Variants in MTHFD1L observed in about 807,000 individuals in gnomAD.
MTHFD1L encodes the protein methylenetetrahydrofolate dehydrogenase (NADP+ dependent) 1 like.
Under a neutral mutation model 119.5 loss-of-function variants are expected in MTHFD1L, and 81 were observed. The observed-to-expected ratio is 0.68, with a 90% CI of 0.57 to 0.82. The LOEUF (loss-of-function observed/expected upper bound fraction) is 0.82. MTHFD1L is among the 40% of genes least tolerant of loss of function. The pLI, the probability that MTHFD1L is intolerant of heterozygous loss-of-function variation, is 0.00. For missense variants in MTHFD1L, 1,125 were observed against 1,253.4 expected (o/e 0.90, Z 1.55); for synonymous variants, 430 against 475.2 (o/e 0.90, Z 1.24).
chr6:150,922,088 T>C, intron 9 of MTHFD1L, 117 bp from the exon 10 acceptor site: 1 of 736,082 alleles, frequency 1.4e-6, no homozygotes, highest in Non-Finnish European at 2.4e-6. Flanking sequence ...TCCTGGCTTA[T>C]TGTGCGACTC....
At chr6:150,889,210 T>C (rs1048512601) in intron 7 of MTHFD1L, among the ~76,000 whole-genome samples, 10 of 150,816 alleles carry the variant, frequency 6.6e-5, no homozygotes, top group Non-Finnish European at 1.5e-4. Flanking sequence ...CTATTAAAAA[T>C]GGTGCTGACT....
At chr6:151,021,142 C>T (rs541469464) in intron 24 of MTHFD1L, among the ~76,000 whole-genome samples, 2 of 152,312 alleles carry the variant, frequency 1.3e-5, no homozygotes, top group South Asian at 2.1e-4. Flanking sequence ...ACTAATCTCT[C>T]GAGCCTCAGC....
chr6:151,022,068 G>A (rs1245411555), intron 24 of MTHFD1L: 1 of 471,162 alleles, frequency 2.1e-6, no homozygotes, highest in Admixed American at 2.3e-5. Flanking sequence ...TGAAGGAAGA[G>A]CAAAACAAAC....
intron 20 of MTHFD1L, among the ~76,000 whole-genome samples, chr6:150,984,198 G>A (rs371311924): frequency 3.1e-4 from 47 of 152,258 alleles, no homozygotes; most frequent in Middle Eastern, 3.4e-3. Context: ...AGGCAGGTAG[G>A]TCCTGTTTGT....
intron 20 of MTHFD1L, among the ~76,000 whole-genome samples, chr6:150,976,107 G>C (rs1045819451): frequency 2.6e-5 from 4 of 152,174 alleles, no homozygotes; most frequent in Admixed American, 1.3e-4. Context: ...GGCTGAGGCA[G>C]GAGAATCGCT....
At chr6:151,069,931 T>G (rs1465090827) in intron 26 of MTHFD1L, among the ~76,000 whole-genome samples, 2 of 152,224 alleles carry the variant, frequency 1.3e-5, no homozygotes, top group African/African-American at 4.8e-5. Context: ...ACCTCTTAGA[T>G]GTCGATGAGT....
intron 1 of MTHFD1L, 196 bp from the exon 2 acceptor site, chr6:150,875,894 C>T (rs887403221): frequency 2.8e-5 from 14 of 494,376 alleles, no homozygotes; most frequent in African/African-American, 4.0e-5. Context: ...ACTGGATTGC[C>T]GCATTTTACC....
intron 24 of MTHFD1L, among the ~76,000 whole-genome samples, chr6:151,027,612 C>T (rs563277990): frequency 6.6e-6 from 1 of 151,078 alleles, no homozygotes; most frequent in South Asian, 2.1e-4. Flanking sequence ...CAGATCAAGA[C>T]CTTTGGACTG....
intron 24 of MTHFD1L, among the ~76,000 whole-genome samples, chr6:151,030,025 A>C (rs1562564440): frequency 6.6e-6 from 1 of 152,176 alleles, no homozygotes; most frequent in Non-Finnish European, 1.5e-5. Flanking sequence ...GCAAAATGTA[A>C]TTCTTTCAGT....
intron 20 of MTHFD1L, among the ~76,000 whole-genome samples, chr6:150,998,623 G>A (rs1053462484): frequency 3.3e-5 from 5 of 149,446 alleles, no homozygotes; most frequent in South Asian, 2.1e-4. Context: ...ACCTGATCTC[G>A]TGTGGCGGGT....
At chr6:150,910,856 A>C (rs948409119) in intron 8 of MTHFD1L, among the ~76,000 whole-genome samples, 3 of 152,210 alleles carry the variant, frequency 2.0e-5, no homozygotes, top group Admixed American at 1.3e-4. Context: ...TATTTGAAAA[A>C]TCAAACCCAA....
chr6:151,001,935 AGGGAGG>A (rs1487917048), intron 20 of MTHFD1L, among the ~76,000 whole-genome samples: 1 of 152,198 alleles, frequency 6.6e-6, no homozygotes, highest in Non-Finnish European at 1.5e-5. Flanking sequence ...AAGTAAAGGA[AGGGAGG>A]GTGGGTGGAA....
chr6:150,898,705 G>A (rs907846444), intron 7 of MTHFD1L, among the ~76,000 whole-genome samples: 5 of 152,122 alleles, frequency 3.3e-5, no homozygotes, highest in Non-Finnish European at 5.9e-5. Context: ...CCAAAATGAG[G>A]TATTTTGGTT....
chr6:150,930,920 C>T (rs946124971), intron 11 of MTHFD1L, among the ~76,000 whole-genome samples: 2 of 152,186 alleles, frequency 1.3e-5, no homozygotes, highest in Non-Finnish European at 1.5e-5. Context: ...CTACATATCG[C>T]ATGGTATTTA....
chr6:150,954,737 G>C (rs1175170781), intron 16 of MTHFD1L, among the ~76,000 whole-genome samples: 1 of 151,242 alleles, frequency 6.6e-6, no homozygotes, highest in African/African-American at 2.4e-5. Context: ...CACAATCATG[G>C]TCATTGCAGC....
intron 26 of MTHFD1L, among the ~76,000 whole-genome samples, chr6:151,050,818 C>T (rs1240430001): frequency 1.3e-5 from 2 of 152,110 alleles, no homozygotes; most frequent in East Asian, 3.8e-4. Context: ...TTGAGGAGAG[C>T]TTTTCCCAAC....
intron 24 of MTHFD1L, among the ~76,000 whole-genome samples, chr6:151,027,036 G>A (rs1382798036): frequency 8.6e-5 from 13 of 151,586 alleles, no homozygotes; most frequent in Admixed American, 5.9e-4. Context: ...TCACCATGTT[G>A]GCCAGGATGG....
At chr6:150,885,585 T>A (rs1332202714) in intron 5 of MTHFD1L, 49 bp from the exon 6 acceptor site, 2 of 1,449,508 alleles carry the variant, frequency 1.4e-6, no homozygotes, top group African/African-American at 1.4e-5. Context: ...CGTGAGTGAT[T>A]TTTTTGGCTG....
At chr6:150,901,589 T>C (rs1177248914) in intron 7 of MTHFD1L, among the ~76,000 whole-genome samples, 1 of 152,178 alleles carries the variant, frequency 6.6e-6, no homozygotes, top group Non-Finnish European at 1.5e-5. Context: ...AACTACAGTG[T>C]GTCCCAGTTC....
Sources: gnomAD v4.1 joint callset for allele counts (sites outside exome capture counted in the v4.1 genomes callset) on GRCh38, gnomAD v4.1.1 for gene constraint, MANE v1.5 for transcripts, NCBI Gene and HGNC (gene_info 2026-07-23, HGNC 2026-07-21) for gene names.